The following XYLT1 variants were observed in gnomAD, a reference collection of about 807,000 sequenced individuals.
XYLT1 encodes the protein beta-D-xylosyltransferase 1.
Under a neutral mutation model 91.3 loss-of-function variants are expected in XYLT1, and 36 were observed. That is an observed-to-expected ratio of 0.39 (90% CI 0.30 to 0.52). The LOEUF (loss-of-function observed/expected upper bound fraction) is 0.52, where lower values mean the gene tolerates loss of function less well. Ranked by LOEUF, XYLT1 falls within the 20% of genes least tolerant of loss-of-function variation. The probability of loss-of-function intolerance (pLI) is 0.68; values close to 1 mark genes in which losing one functional copy is unlikely to be tolerated. For synonymous variants in XYLT1, 588 were observed against 532.0 expected, an observed-to-expected ratio of 1.11 and a Z score of -1.45; for missense variants, 1,242 against 1,284.5, an observed-to-expected ratio of 0.97 and a Z score of 0.51.
chr16:17,387,212 C>T (rs940441473), intron 1 of XYLT1, among the ~76,000 whole-genome samples: 1 of 152,154 alleles, frequency 6.6e-6, no homozygotes, highest in African/African-American at 2.4e-5. Flanking sequence ...TTATCTGTAC[C>T]TCCCTATGCA....
intron 8 of XYLT1, among the ~76,000 whole-genome samples, chr16:17,136,814 G>C (rs2030741364): frequency 6.6e-6 from 1 of 152,040 alleles, no homozygotes; most frequent in Admixed American, 6.6e-5. Flanking sequence ...GAACACATGA[G>C]GCACTCCTTG....
In XYLT1 at chr16:17,138,159, A is replaced by G. The variant is rs372804420; in HGVS notation, c.1764+196T>C. On this transcript the variant is annotated intron_variant, in intron 8 of 11. Coordinates refer to ENST00000261381, the MANE Select transcript of XYLT1 (RefSeq NM_022166.4). ...TTGTTGTTTTTGGGTTAATGAGTCAATGTGGTTAGAACATCCCTGAAGTAA... is the reference window on the plus strand; with the variant it reads ...TTGTTGTTTTTGGGTTAATGAGTCAGTGTGGTTAGAACATCCCTGAAGTAA... 9.7e-4 allele frequency: 423 copies of G among 435,376 alleles called. 4 individuals are homozygous for G. In the South Asian group the frequency reaches 0.013, roughly 13 times the overall value. The allele number at this position is 435,376 out of a possible 1,614,324, so 27.0% of individuals were successfully genotyped here.
chr16:17,208,445 G>T (rs2032697447), intron 3 of XYLT1, among the ~76,000 whole-genome samples: 1 of 151,994 alleles, frequency 6.6e-6, no homozygotes, highest in Non-Finnish European at 1.5e-5. Context: ...TTCAGATTTT[G>T]AAGTATCTGT....
At position 17,418,602 on chromosome 16, in the gene XYLT1, CTT is replaced by C. The variant is rs1029018161; in HGVS notation, c.363+51830_363+51831del. Among the ~76,000 whole-genome samples the C allele has an allele frequency of 9.6e-4, 146 of 152,140 alleles. 3 individuals carry two copies. The highest frequency in any genetic ancestry group is 1.3e-4 in the Non-Finnish European group (9 of 68,018). On this transcript the variant is annotated intron_variant, in intron 1 of 11. Transcript: ENST00000261381. Reference sequence around the variant, plus strand: ...GTAGCTTACACCTATAATCCTAGCACTTTTGGAGGCTAAGGTGGGTAGACTGC... The same window carrying C: ...GTAGCTTACACCTATAATCCTAGCACTTGGAGGCTAAGGTGGGTAGACTGC...
intron 10 of XYLT1, among the ~76,000 whole-genome samples, chr16:17,121,003 G>A (rs1437886468): frequency 1.3e-5 from 2 of 152,128 alleles, no homozygotes; most frequent in Admixed American, 6.6e-5. Flanking sequence ...CCACCCATCT[G>A]TCTGTCTGTT....
intron 1 of XYLT1, among the ~76,000 whole-genome samples, chr16:17,451,965 A>G (rs906653988): frequency 3.9e-5 from 6 of 152,206 alleles, no homozygotes; most frequent in Non-Finnish European, 8.8e-5. Flanking sequence ...AAAAAGGTAC[A>G]TGAAGTGTGC....
At chr16:17,222,872 C>G (rs1336202031) in intron 3 of XYLT1, among the ~76,000 whole-genome samples, 2 of 151,590 alleles carry the variant, frequency 1.3e-5, no homozygotes, top group African/African-American at 2.4e-5. Flanking sequence ...TTTCAGGGGC[C>G]CTCTGGCAAC....
intron 1 of XYLT1, among the ~76,000 whole-genome samples, chr16:17,376,780 T>C (rs991590511): frequency 7.4e-6 from 1 of 134,614 alleles, no homozygotes; most frequent in Non-Finnish European, 1.5e-5. Flanking sequence ...TGAGCCGAGA[T>C]TGTGCCATTG....
intron 8 of XYLT1, 62 bp from the exon 9 acceptor site, chr16:17,134,797 C>T (rs1407210765): frequency 1.3e-5 from 21 of 1,587,062 alleles, no homozygotes; most frequent in Non-Finnish European, 1.8e-5. Flanking sequence ...TTGGGGGGAA[C>T]CTAAGGGCAT....
chr16:17,162,565 A>G (rs1259092678), intron 5 of XYLT1, among the ~76,000 whole-genome samples: 3 of 152,208 alleles, frequency 2.0e-5, no homozygotes, highest in Non-Finnish European at 4.4e-5. Context: ...GCCTCTACAA[A>G]TGATAGTGAA....
At chr16:17,114,142 C>T (rs1048895983) in intron 11 of XYLT1, among the ~76,000 whole-genome samples, 1 of 152,262 alleles carries the variant, frequency 6.6e-6, no homozygotes, top group African/African-American at 2.4e-5. Context: ...CTCAGGACTC[C>T]TCTGGACCTT....
chr16:17,338,892 C>A (rs1011793992), intron 2 of XYLT1, among the ~76,000 whole-genome samples: 1 of 152,212 alleles, frequency 6.6e-6, no homozygotes, highest in Non-Finnish European at 1.5e-5. Context: ...CTGTGGGCAA[C>A]AGCTCCTCCA....
chr16:17,333,471 T>C (rs147322217), intron 2 of XYLT1, among the ~76,000 whole-genome samples: 262 of 152,238 alleles, frequency 1.7e-3, no homozygotes, highest in African/African-American at 6.0e-3. Flanking sequence ...ACAGCACAGA[T>C]CTGGAGCTAA....
intron 3 of XYLT1, among the ~76,000 whole-genome samples, chr16:17,235,585 G>A (rs1454405082): frequency 6.6e-6 from 1 of 152,136 alleles, no homozygotes; most frequent in Admixed American, 6.5e-5. Context: ...CCCCAAAGAC[G>A]CGCTGAGTCA....
At chr16:17,290,130 T>TAAAAGA (rs1268476642) in intron 2 of XYLT1, among the ~76,000 whole-genome samples, 1 of 152,166 alleles carries the variant, frequency 6.6e-6, no homozygotes, top group Non-Finnish European at 1.5e-5. Flanking sequence ...TCTCCTCAGT[T>TAAAAGA]AAAAGAAAAA....
intron 3 of XYLT1, among the ~76,000 whole-genome samples, chr16:17,254,349 T>C (rs2033595173): frequency 6.6e-6 from 1 of 152,170 alleles, no homozygotes; most frequent in Non-Finnish European, 1.5e-5. Flanking sequence ...TTCTCCTCCT[T>C]ATGATTTTCT....
chr16:17,253,823 TGAGAGAGAGAGAGAGAGAGA>T (rs3060128), intron 3 of XYLT1, among the ~76,000 whole-genome samples: 1 of 114,852 alleles, frequency 8.7e-6, no homozygotes, highest in South Asian at 3.0e-4. Context: ...CCTTGCAACT[TGAGAGAGAGAGAGAGAGAGA>T]GAGAGAGAGA....
chr16:17,127,902 T>C lies in XYLT1; in HGVS notation c.2028-41A>G, dbSNP rs1567284449. 4 of 1,583,296 alleles carry C rather than the reference T, an allele frequency of 2.5e-6. No individual in the cohort carries two copies. In the South Asian group the frequency reaches 3.4e-5, roughly 14 times the overall value. The stretch of plus-strand genomic sequence containing the variant: ...CTCATGCATTAGGGCCCAAGGTGTG[T>C]AGGATCACAGTGAGGCTCCCCACCC... On this transcript the variant is annotated intron_variant, in intron 9 of 11. Coordinates refer to ENST00000261381, the MANE Select transcript of XYLT1 (RefSeq NM_022166.4).
intron 10 of XYLT1, among the ~76,000 whole-genome samples, chr16:17,119,323 A>G (rs9931726): frequency 0.29 from 43,725 of 152,096 alleles, 6,773 homozygotes; most frequent in East Asian, 0.61. Flanking sequence ...CTAATTTGAA[A>G]AAAAGATCTC....
Sources: allele counts gnomAD v4.1 joint callset (sites outside exome capture counted in the v4.1 genomes callset), GRCh38; gene constraint gnomAD v4.1.1; transcripts MANE v1.5; gene names NCBI Gene and HGNC (gene_info 2026-07-23, HGNC 2026-07-21).